GTF2IRD1: variants seen among roughly 807,000 people sequenced by gnomAD.
GTF2IRD1 encodes GTF2I repeat domain containing 1.
In GTF2IRD1, 26 loss-of-function variants were observed where a neutral mutation model predicts 113.2. That is an observed-to-expected ratio of 0.23 (90% CI 0.17 to 0.32). The LOEUF is 0.32. GTF2IRD1 is among the 10% of genes least tolerant of loss of function. The pLI is 1.00. For missense variants in GTF2IRD1, 864 were observed against 1,280.8 expected (o/e 0.67, Z 4.97); for synonymous variants, 484 against 529.1 (o/e 0.91, Z 1.17).
At chr7:74,530,066 C>G in intron 9 of GTF2IRD1, 149 bp downstream of exon 9, 1 of 567,540 alleles carries the variant, frequency 1.8e-6, no homozygotes. Context: ...AAAAATTAGC[C>G]AGGTGTGGTG....
At chr7:74,566,006 AACACACACACACAC>A (rs66556824) in intron 22 of GTF2IRD1, among the ~76,000 whole-genome samples, 1 of 143,114 alleles carries the variant, frequency 7.0e-6, no homozygotes, top group South Asian at 2.3e-4. Flanking sequence ...AAGACACACA[AACACACACACACAC>A]ACACACACAC....
intron 3 of GTF2IRD1, among the ~76,000 whole-genome samples, chr7:74,514,389 A>G (rs1384595534): frequency 6.6e-6 from 1 of 152,088 alleles, no homozygotes; most frequent in Non-Finnish European, 1.5e-5. Flanking sequence ...GGACAGCAGC[A>G]GGTCGTGTGG....
At chr7:74,572,678 C>T (rs989417784) in intron 22 of GTF2IRD1, 10 of 281,530 alleles carry the variant, frequency 3.6e-5, no homozygotes, top group Non-Finnish European at 4.8e-5. Flanking sequence ...CAGCCTTCCC[C>T]ACCCCCTCTC....
intron 22 of GTF2IRD1, among the ~76,000 whole-genome samples, chr7:74,583,877 C>T (rs587735029): frequency 6.6e-6 from 1 of 152,152 alleles, no homozygotes; most frequent in South Asian, 2.1e-4. Context: ...CTTGGAGGTC[C>T]GTGTGATGAG....
rs1794913322 is a variant in GTF2IRD1, at chr7:74,484,515, G to A, written c.-6-23560G>A. On this transcript the variant is annotated intron_variant, in intron 1 of 26. Coordinates refer to ENST00000424337, the MANE Select transcript of GTF2IRD1 (RefSeq NM_005685.4). ...TTTCACCCACCCAGGCTGGAGCGAA[G>A]TGGTGCGATCTTGGCTTACTGCAAC... 2.0e-5 allele frequency among the ~76,000 whole-genome samples: 3 copies of A among 148,108 alleles called. No individual in the cohort carries two copies. The South Asian group carries it at 6.4e-4, about 31-fold the overall frequency.
chr7:74,546,829 A>T (rs1163940787), intron 16 of GTF2IRD1, among the ~76,000 whole-genome samples: 2 of 152,124 alleles, frequency 1.3e-5, no homozygotes, highest in Non-Finnish European at 2.9e-5. Flanking sequence ...GAGGGCATGG[A>T]CCCAGCGTGG....
At chr7:74,457,076 G>A (rs1278863310) in intron 1 of GTF2IRD1, among the ~76,000 whole-genome samples, 3 of 151,320 alleles carry the variant, frequency 2.0e-5, no homozygotes, top group African/African-American at 4.9e-5. Context: ...CTGCAGCCTC[G>A]AACTCCTGGA....
intron 21 of GTF2IRD1, 22 bp from the exon 22 acceptor site, chr7:74,559,605 C>T (rs372105753): frequency 6.5e-5 from 103 of 1,583,598 alleles, no homozygotes; most frequent in Non-Finnish European, 8.7e-5. Context: ...CCATGACACC[C>T]CTGCCTCTGT....
chr7:74,528,950 GA>G (rs1562838954), intron 8 of GTF2IRD1, among the ~76,000 whole-genome samples: 5 of 86,696 alleles, frequency 5.8e-5, no homozygotes. Flanking sequence ...TGGGTGGATG[GA>G]TGGATGGATG....
intron 8 of GTF2IRD1, among the ~76,000 whole-genome samples, chr7:74,525,103 G>A (rs587705159): frequency 3.3e-5 from 5 of 152,262 alleles, no homozygotes; most frequent in Admixed American, 1.3e-4. Context: ...AAAAATCTCT[G>A]TTGGCCTCAT....
At chr7:74,506,559 CA>C (rs1238906002) in intron 1 of GTF2IRD1, 6 of 152,212 alleles carry the variant, frequency 3.9e-5, no homozygotes, top group African/African-American at 1.4e-4. Flanking sequence ...CAACACCCAG[CA>C]GGGGCCACAC....
intron 22 of GTF2IRD1, among the ~76,000 whole-genome samples, chr7:74,562,247 A>G (rs1253641397): frequency 3.3e-5 from 5 of 152,148 alleles, no homozygotes; most frequent in African/African-American, 1.2e-4. Context: ...CAGGGGAAAT[A>G]GCAGACCCCT....
At chr7:74,587,211 G>A (rs587642330) in intron 22 of GTF2IRD1, among the ~76,000 whole-genome samples, 2 of 152,228 alleles carry the variant, frequency 1.3e-5, no homozygotes, top group African/African-American at 2.4e-5. Context: ...TTGGGAGACC[G>A]AGGCAGGCAG....
chr7:74,576,270 G>C (rs1801056715), intron 22 of GTF2IRD1, among the ~76,000 whole-genome samples: 2 of 151,818 alleles, frequency 1.3e-5, no homozygotes, highest in South Asian at 4.2e-4. Context: ...CTAATGTCAA[G>C]GTGTCAGGGG....
In GTF2IRD1 at chr7:74,545,825, G is replaced by A; in HGVS notation, c.1732+16G>A. ...ACACGATACGGTGAGCAAGAAGTGGGACAGGGTCTGGGGGCATCCCGGCCC... is the reference window on the plus strand; with the variant it reads ...ACACGATACGGTGAGCAAGAAGTGGAACAGGGTCTGGGGGCATCCCGGCCC... On this transcript the variant is annotated intron_variant, in intron 16 of 26. Coordinates refer to ENST00000424337, the MANE Select transcript of GTF2IRD1 (RefSeq NM_005685.4). The A allele has an allele frequency of 1.2e-6, 2 of 1,603,144 alleles. No homozygotes were observed. The highest frequency in any genetic ancestry group is 1.7e-6 in the Non-Finnish European group (2 of 1,170,076).
intron 17 of GTF2IRD1, among the ~76,000 whole-genome samples, chr7:74,553,792 G>C (rs587744374): frequency 1.3e-5 from 2 of 152,154 alleles, no homozygotes; most frequent in Admixed American, 6.6e-5. Flanking sequence ...GCTCTGCCCA[G>C]CTTCTGCCTC....
rs144706866 is a variant in GTF2IRD1, at chr7:74,541,888, G to A, written c.1618+1920G>A. Among the ~76,000 whole-genome samples, 511 of 150,136 alleles carry A rather than the reference G, an allele frequency of 3.4e-3. 3 individuals carry two copies. Among genetic ancestry groups the A allele is most frequent in the South Asian group, 6.9e-3 (33 of 4,760 alleles). On this transcript the variant is annotated intron_variant, in intron 14 of 26. Transcript: ENST00000424337. ...TGCACTCCAGCCTGGACAACAGAGC[G>A]AAGCTCTGCCTCAAAATAACTAAAT...
chr7:74,586,094 ATG>A (rs1801699250), intron 22 of GTF2IRD1, among the ~76,000 whole-genome samples: 1 of 152,046 alleles, frequency 6.6e-6, no homozygotes, highest in African/African-American at 2.4e-5. Context: ...GCACACAGTG[ATG>A]TGTGTGATCC....
At chr7:74,459,420 T>C (rs1793214844) in intron 1 of GTF2IRD1, among the ~76,000 whole-genome samples, 1 of 151,840 alleles carries the variant, frequency 6.6e-6, no homozygotes, top group Admixed American at 6.6e-5. Flanking sequence ...ATCGTACCAT[T>C]GCACTCCAGC....
Sources: allele counts gnomAD v4.1 joint callset (sites outside exome capture counted in the v4.1 genomes callset), GRCh38; gene constraint gnomAD v4.1.1; transcripts MANE v1.5; gene names NCBI Gene and HGNC (gene_info 2026-07-23, HGNC 2026-07-21).